Variants in AFG2A observed in about 807,000 individuals in gnomAD.
AFG2A encodes the protein ATPase family gene 2 protein homolog A.
the AFG2A span, among the ~76,000 whole-genome samples, chr4:123,246,023 T>A: frequency 1.3e-5 from 2 of 152,212 alleles, no homozygotes; most frequent in Non-Finnish European, 2.9e-5. Context: ...TAATGCAAAT[T>A]GAATTATTGT....
chr4:123,116,054 C>T, the AFG2A span, among the ~76,000 whole-genome samples: 2 of 152,012 alleles, frequency 1.3e-5, no homozygotes, highest in African/African-American at 4.8e-5. Flanking sequence ...CGGGTGCCAC[C>T]ACTCCCAGCT....
At chr4:123,069,929 C>A in the AFG2A span, among the ~76,000 whole-genome samples, 8,182 of 152,170 alleles carry the variant, frequency 0.054, 524 homozygotes, top group African/African-American at 0.16. Context: ...TCTGGGCATG[C>A]CTCATAGTTA....
At chr4:123,071,309 C>T in the AFG2A span, among the ~76,000 whole-genome samples, 5 of 151,986 alleles carry the variant, frequency 3.3e-5, no homozygotes, top group South Asian at 4.2e-4. Context: ...GGAGAAACCC[C>T]GTCTCTACTA....
chr4:123,296,867 A>G, the AFG2A span, among the ~76,000 whole-genome samples: 7 of 152,228 alleles, frequency 4.6e-5, no homozygotes, highest in Admixed American at 4.6e-4. Flanking sequence ...GCAAGTTTAC[A>G]AAGTGGGGTG....
chr4:123,059,578 A>G, the AFG2A span, among the ~76,000 whole-genome samples: 5 of 151,702 alleles, frequency 3.3e-5, no homozygotes, highest in South Asian at 8.4e-4. Flanking sequence ...GTTGGTTCCA[A>G]GTCTTTGCTA....
chr4:123,149,703 C>G, the AFG2A span, among the ~76,000 whole-genome samples: 1 of 151,110 alleles, frequency 6.6e-6, no homozygotes, highest in Non-Finnish European at 1.5e-5. Context: ...CTGTGCTGTT[C>G]ATTTCAATGG....
chr4:123,074,267 G>A, the AFG2A span, among the ~76,000 whole-genome samples: 102 of 151,650 alleles, frequency 6.7e-4, no homozygotes, highest in African/African-American at 2.3e-3. Context: ...GCTAATTTTC[G>A]TATTTTTTAA....
chr4:123,314,446 A>C, the AFG2A span: 1 of 153,614 alleles, frequency 6.5e-6, no homozygotes, highest in African/African-American at 2.4e-5. Context: ...TATGTGGATA[A>C]ATTTTTTGTA....
the AFG2A span, among the ~76,000 whole-genome samples, chr4:122,948,460 C>T: frequency 4.7e-5 from 7 of 149,182 alleles, no homozygotes; most frequent in South Asian, 4.3e-4. Context: ...CCATTGGTGG[C>T]GGTATTGATG....
chr4:123,123,570 G>C, the AFG2A span, among the ~76,000 whole-genome samples: 1 of 152,040 alleles, frequency 6.6e-6, no homozygotes, highest in East Asian at 1.9e-4. Flanking sequence ...TGCAATAAAA[G>C]TATCATCACT....
the AFG2A span, among the ~76,000 whole-genome samples, chr4:123,014,412 C>T: frequency 5.3e-3 from 799 of 151,746 alleles, 7 homozygotes; most frequent in African/African-American, 0.018. Flanking sequence ...TTTTCTTATA[C>T]TTGTTCATCT....
the AFG2A span, chr4:123,256,140 A>C: frequency 1.2e-6 from 2 of 1,614,120 alleles, no homozygotes; most frequent in Non-Finnish European, 1.7e-6. Context: ...GTTGACCTGG[A>C]TGAACTCATC....
At chr4:123,143,218 G>A in the AFG2A span, among the ~76,000 whole-genome samples, 3 of 150,376 alleles carry the variant, frequency 2.0e-5, no homozygotes, top group African/African-American at 7.3e-5. Context: ...ATACACACCC[G>A]ACTTTAGCAC....
the AFG2A span, among the ~76,000 whole-genome samples, chr4:122,927,184 A>G: frequency 6.6e-6 from 1 of 152,208 alleles, no homozygotes; most frequent in South Asian, 2.1e-4. Flanking sequence ...ATTCTTGGTA[A>G]TACAAAAGAA....
At chr4:123,037,527 A>T in the AFG2A span, among the ~76,000 whole-genome samples, 3 of 152,108 alleles carry the variant, frequency 2.0e-5, no homozygotes, top group Non-Finnish European at 4.4e-5. Flanking sequence ...TCTTAAAAGT[A>T]ACATAACTTA....
At chr4:123,010,464 T>G in the AFG2A span, among the ~76,000 whole-genome samples, 1 of 152,198 alleles carries the variant, frequency 6.6e-6, no homozygotes, top group Non-Finnish European at 1.5e-5. Flanking sequence ...TTCATTTTTG[T>G]ATTCTTAGAG....
chr4:123,281,752 C>T, the AFG2A span, among the ~76,000 whole-genome samples: 3 of 151,964 alleles, frequency 2.0e-5, no homozygotes, highest in African/African-American at 7.2e-5. Context: ...GAAGATTATC[C>T]AGTGCTAAAA....
the AFG2A span, among the ~76,000 whole-genome samples, chr4:123,132,675 A>G: frequency 1.2e-4 from 18 of 149,420 alleles, no homozygotes; most frequent in East Asian, 2.1e-3. Flanking sequence ...TTCTCTGTCA[A>G]TGGACACAGG....
the AFG2A span, among the ~76,000 whole-genome samples, chr4:123,179,884 C>T: frequency 6.6e-6 from 1 of 152,076 alleles, no homozygotes; most frequent in Admixed American, 6.6e-5. Context: ...GGTGTTTGAA[C>T]ATGTGATTAC....
Sources: gnomAD v4.1 joint callset for allele counts (sites outside exome capture counted in the v4.1 genomes callset) on GRCh38, gnomAD v4.1.1 for gene constraint, MANE v1.5 for transcripts, NCBI Gene and HGNC (gene_info 2026-07-23, HGNC 2026-07-21) for gene names.